The following PTP4A1 variants were observed in gnomAD, a reference collection of about 807,000 sequenced individuals.
PTP4A1 encodes protein tyrosine phosphatase type IVA 1.
A neutral mutation model predicts 20.5 loss-of-function variants in PTP4A1; 9 were observed. The ratio of observed to expected loss-of-function variants is 0.44; its 90% CI spans 0.26 to 0.77. The LOEUF (loss-of-function observed/expected upper bound fraction) is 0.77. PTP4A1 is among the 30% of genes least tolerant of loss of function. The pLI is 0.19. For missense variants in PTP4A1, 137 were observed against 218.8 expected, an observed-to-expected ratio of 0.63 and a Z score of 2.36; for synonymous variants, 78 against 67.4, an observed-to-expected ratio of 1.16 and a Z score of -0.77.
At chr6:63,574,183 G>A (rs1252309547) in intron 1 of PTP4A1, among the ~76,000 whole-genome samples, 2 of 152,156 alleles carry the variant, frequency 1.3e-5, no homozygotes, top group Non-Finnish European at 2.9e-5. Context: ...TTTCTTAGGT[G>A]CCCTAAGACC....
At chr6:63,575,960 G>T (rs1459058482) in intron 1 of PTP4A1, among the ~76,000 whole-genome samples, 1 of 151,948 alleles carries the variant, frequency 6.6e-6, no homozygotes, top group Non-Finnish European at 1.5e-5. Flanking sequence ...TAACTTCAGA[G>T]TTATCTGGAG....
intron 1 of PTP4A1, among the ~76,000 whole-genome samples, chr6:63,526,825 ATATATATATATT>A (rs1233118260): frequency 1.8e-4 from 26 of 143,484 alleles, no homozygotes; most frequent in African/African-American, 6.8e-4. Context: ...ATATATATAT[ATATATATATATT>A]TATTTATTTA....
intron 3 of PTP4A1, among the ~76,000 whole-genome samples, chr6:63,563,738 G>T (rs1198956282): frequency 6.6e-6 from 1 of 152,160 alleles, no homozygotes; most frequent in Non-Finnish European, 1.5e-5. Context: ...CACAGCTATG[G>T]ATGTAGGTGA....
rs1224586828 is a variant in PTP4A1, at chr6:63,524,367, A to G, written c.-906+2541A>G. Among the ~76,000 whole-genome samples the G allele has an allele frequency of 2.6e-5, 4 of 152,160 alleles. No homozygotes were observed. The East Asian group carries it at 5.8e-4, about 22-fold the overall frequency. ...TGACACATATTTGTATGAAAAAATT[A>G]TTTCATATTGAAGACCAGTACCTTC... On this transcript the variant is annotated intron_variant, in intron 1 of 3. Coordinates refer to the PTP4A1 transcript ENST00000639568.
chr6:63,576,973 C>T lies in PTP4A1; in HGVS notation c.93C>T (p.Asn31=). ...ITHNPTNATL[N]KFIEELKKYG... ...ACAATCCAACCAATGCGACCTTAAACAAATTTATAGAGGTAAGATTTGATA... is the reference window on the plus strand; with the variant it reads ...ACAATCCAACCAATGCGACCTTAAATAAATTTATAGAGGTAAGATTTGATA... The change falls in exon 2 of 6, where the codon AAC becomes AAT. Residue 31 remains asparagine, a synonymous_variant. Coordinates refer to ENST00000626021, the MANE Select transcript of PTP4A1 (RefSeq NM_003463.5). 1 of 1,610,172 alleles carries T rather than the reference C, an allele frequency of 6.2e-7. No individual in the cohort carries two copies. The highest frequency in any genetic ancestry group is 2.2e-5 in the East Asian group (1 of 44,830).
intron 2 of PTP4A1, among the ~76,000 whole-genome samples, chr6:63,577,668 T>TCCCTCA (rs1777956156): frequency 6.6e-6 from 1 of 152,074 alleles, no homozygotes; most frequent in African/African-American, 2.4e-5. Context: ...GCAATTCTCC[T>TCCCTCA]GCCTCAGCCT....
At chr6:63,559,452 A>C (rs1364811062) in intron 3 of PTP4A1, among the ~76,000 whole-genome samples, 1 of 152,228 alleles carries the variant, frequency 6.6e-6, no homozygotes, top group East Asian at 1.9e-4. Flanking sequence ...TTGGTTTAAA[A>C]AATGAATTTC....
chr6:63,545,182 AT>A (rs1776129933), intron 2 of PTP4A1, among the ~76,000 whole-genome samples: 1 of 152,102 alleles, frequency 6.6e-6, no homozygotes, highest in African/African-American at 2.4e-5. Flanking sequence ...ATCTTTTCTT[AT>A]TTTGATACTC....
chr6:63,517,628 A>T (rs942434791), upstream of PTP4A1, among the ~76,000 whole-genome samples: 9 of 152,164 alleles, frequency 5.9e-5, no homozygotes, highest in Admixed American at 1.3e-4. Flanking sequence ...CTATCAACAC[A>T]CACACACATG....
chr6:63,567,749 C>T (rs899225275), upstream of PTP4A1, among the ~76,000 whole-genome samples: 7 of 152,238 alleles, frequency 4.6e-5, no homozygotes, highest in African/African-American at 1.7e-4. Context: ...AAGTCTTGGA[C>T]AGCATCTTCT....
At chr6:63,567,612 C>T (rs947125732), upstream of PTP4A1, among the ~76,000 whole-genome samples, 2 of 152,128 alleles carry the variant, frequency 1.3e-5, no homozygotes, top group Non-Finnish European at 2.9e-5. Context: ...TTTAAGGGTC[C>T]TAGGATTTTC....
upstream of PTP4A1, among the ~76,000 whole-genome samples, chr6:63,520,078 G>A (rs1017973919): frequency 2.0e-5 from 3 of 152,140 alleles, no homozygotes; most frequent in African/African-American, 2.4e-5. Flanking sequence ...ATAAATTTGC[G>A]AGAACATAAT....
intron 2 of PTP4A1, among the ~76,000 whole-genome samples, chr6:63,543,018 A>G (rs1322140646): frequency 1.3e-5 from 2 of 152,294 alleles, no homozygotes; most frequent in African/African-American, 4.8e-5. Context: ...GAGTTCCACT[A>G]CCCATCACAA....
At chr6:63,557,483 CAT>C (rs753422347) in intron 3 of PTP4A1, among the ~76,000 whole-genome samples, 8 of 150,132 alleles carry the variant, frequency 5.3e-5, no homozygotes, top group Middle Eastern at 3.5e-3. Flanking sequence ...AGAACTGCTC[CAT>C]ATATATATAT....
At chr6:63,545,314 G>C (rs577521518) in intron 2 of PTP4A1, among the ~76,000 whole-genome samples, 6 of 152,194 alleles carry the variant, frequency 3.9e-5, no homozygotes, top group South Asian at 4.1e-4. Flanking sequence ...ATCTCTGGGC[G>C]TGGAAATTTC....
At chr6:63,538,828 C>A (rs1247154163) in intron 2 of PTP4A1, among the ~76,000 whole-genome samples, 1 of 152,102 alleles carries the variant, frequency 6.6e-6, no homozygotes, top group Non-Finnish European at 1.5e-5. Flanking sequence ...CTAACAAGTT[C>A]TTTGGTGATG....
At chr6:63,529,167 ATATATATATGTATATATATGTGTG>A (rs1562112443) in intron 2 of PTP4A1, among the ~76,000 whole-genome samples, 32 of 147,202 alleles carry the variant, frequency 2.2e-4, no homozygotes, top group African/African-American at 7.9e-4. Flanking sequence ...ATGTGTGTAT[ATATATATATGTATATATATGTGTG>A]TATATATATA....
chr6:63,550,991 A>G lies in PTP4A1; in HGVS notation c.-446+498A>G, dbSNP rs574935771. Reference sequence around the variant, plus strand: ...ATCTAATTGTATATACATGACCATAATTACCTGGACCTCTTAGAAAATGTT... The same window carrying G: ...ATCTAATTGTATATACATGACCATAGTTACCTGGACCTCTTAGAAAATGTT... On this transcript the variant is annotated intron_variant, in intron 3 of 3. Coordinates refer to the PTP4A1 transcript ENST00000639568. Among the ~76,000 whole-genome samples the G allele has an allele frequency of 1.6e-4, 24 of 152,152 alleles. No homozygotes were observed. In the South Asian group the frequency reaches 4.6e-3, roughly 29 times the overall value.
intron 3 of PTP4A1, among the ~76,000 whole-genome samples, chr6:63,565,616 A>G (rs533548590): frequency 6.6e-6 from 1 of 152,316 alleles, no homozygotes; most frequent in East Asian, 1.9e-4. Flanking sequence ...GACTGTTTCT[A>G]TATGTCTGAC....
Sources: gnomAD v4.1 joint callset for allele counts (sites outside exome capture counted in the v4.1 genomes callset) on GRCh38, gnomAD v4.1.1 for gene constraint, MANE v1.5 for transcripts, NCBI Gene and HGNC (gene_info 2026-07-23, HGNC 2026-07-21) for gene names.